CLEC19A: variants seen among roughly 807,000 people sequenced by gnomAD.
CLEC19A encodes the protein C-type lectin domain family 19 member A.
Under a neutral mutation model 26.1 loss-of-function variants are expected in CLEC19A, and 21 were observed. That is an observed-to-expected ratio of 0.80 (90% CI 0.57 to 1.16). CLEC19A has a LOEUF of 1.16. Ranked by LOEUF, CLEC19A falls within the 50% of genes most tolerant of loss-of-function variation. The pLI, the probability that CLEC19A is intolerant of heterozygous loss-of-function variation, is 0.00. For missense variants in CLEC19A, 224 were observed against 227.6 expected (o/e 0.98, Z 0.10); for synonymous variants, 89 against 88.6 (o/e 1.00, Z -0.03).
intron 1 of CLEC19A, among the ~76,000 whole-genome samples, chr16:19,289,128 A>G (rs1374783772): frequency 6.6e-6 from 1 of 152,222 alleles, no homozygotes; most frequent in Non-Finnish European, 1.5e-5. Flanking sequence ...CCAGAGTCCA[A>G]GCTCTGAAGT....
At chr16:19,295,458 C>G (rs1192569060) in intron 1 of CLEC19A, among the ~76,000 whole-genome samples, 1 of 152,140 alleles carries the variant, frequency 6.6e-6, no homozygotes, top group Non-Finnish European at 1.5e-5. Context: ...CCACCTCAGC[C>G]TCCCAAGGTG....
chr16:19,308,461 C>T (rs1823726256), intron 4 of CLEC19A, among the ~76,000 whole-genome samples: 1 of 152,322 alleles, frequency 6.6e-6, no homozygotes, highest in East Asian at 1.9e-4. Flanking sequence ...AGCTGCCATG[C>T]TCAGTATTCA....
chr16:19,303,564 G>A (rs909436711), intron 2 of CLEC19A, among the ~76,000 whole-genome samples: 2 of 152,202 alleles, frequency 1.3e-5, no homozygotes, highest in African/African-American at 4.8e-5. Context: ...AGTGGGCAAT[G>A]CAAGTTGAAG....
At chr16:19,299,243 A>G (rs1473938968) in intron 2 of CLEC19A, among the ~76,000 whole-genome samples, 1 of 152,204 alleles carries the variant, frequency 6.6e-6, no homozygotes, top group African/African-American at 2.4e-5. Flanking sequence ...TACACTACAT[A>G]TATAAAGAAT....
At position 19,304,104 on chromosome 16, in the gene CLEC19A, T is replaced by C; in HGVS notation, c.297T>C (p.Cys99=). 2 of 1,550,580 alleles carry C rather than the reference T, an allele frequency of 1.3e-6. No individual in the cohort carries two copies. Among genetic ancestry groups the C allele is most frequent in the Non-Finnish European group, 1.7e-6 (2 of 1,146,972 alleles). ...TTGTATATGACCTCGTGAACAGCTG[T>C]GTTCCCGGCATCCCAGCTGACGTCT... is the stretch of plus-strand genomic sequence containing the variant. ...NVFVYDLVNS[C]VPGIPADVWT... Residue 99 remains cysteine, a synonymous_variant, in exon 3 of 5, where the codon TGT becomes TGC. Transcript: ENST00000636231.
chr16:19,306,004 C>T (rs1200664213), intron 3 of CLEC19A, among the ~76,000 whole-genome samples: 1 of 151,734 alleles, frequency 6.6e-6, no homozygotes, highest in African/African-American at 2.4e-5. Context: ...CCACCATGCC[C>T]GGCTAATTTT....
intron 4 of CLEC19A, among the ~76,000 whole-genome samples, chr16:19,308,769 A>G (rs1256514392): frequency 6.6e-6 from 1 of 152,178 alleles, no homozygotes; most frequent in Non-Finnish European, 1.5e-5. Context: ...CTGGGTAGCC[A>G]GAGTTGGGCC....
chr16:19,292,380 A>T (rs1008060402), intron 1 of CLEC19A, among the ~76,000 whole-genome samples: 2 of 152,130 alleles, frequency 1.3e-5, no homozygotes, highest in African/African-American at 4.8e-5. Context: ...CAAAACCAGG[A>T]TCTGGCAACC....
chr16:19,302,505 G>A lies in CLEC19A; in HGVS notation c.255-1557G>A, dbSNP rs371246205. On this transcript the variant is annotated intron_variant, in intron 2 of 4. Transcript: ENST00000636231. ...AGATACATGTTGTTGCAACACAAAA[G>A]GTACATCGACATGGCCATGTTTTGA... Among the ~76,000 whole-genome samples, 6 of 152,216 alleles carry A rather than the reference G, an allele frequency of 3.9e-5. No individual in the cohort carries two copies. In the East Asian group the frequency reaches 1.2e-3, roughly 29 times the overall value.
chr16:19,304,824 A>T (rs11864239), intron 3 of CLEC19A: 37,806 of 152,622 alleles, frequency 0.25, 5,164 homozygotes, highest in African/African-American at 0.34. Flanking sequence ...GACAACACCA[A>T]GGGTCTAAGA....
In CLEC19A at chr16:19,309,173, A is replaced by G; in HGVS notation, c.*90A>G. 1.1e-6 allele frequency: 1 copy of G among 929,210 alleles called. No homozygotes were observed. Among genetic ancestry groups the G allele is most frequent in the South Asian group, 1.5e-5 (1 of 65,258 alleles). 57.6% of individuals were successfully genotyped at this position (929,210 alleles called of 1,614,324 possible). A position where few individuals can be genotyped will look rare whatever the true frequency, so the allele number is the denominator to read the frequency against. On this transcript the variant is annotated 3_prime_UTR_variant, in exon 5 of 5. Coordinates refer to ENST00000636231, the MANE Select transcript of CLEC19A (RefSeq NM_001256720.2). ...AATTGACATTGAATACATGTAAAAC[A>G]TACATAGGAAGTAAATCTCTTGGAC...
chr16:19,301,735 G>GTTTTTTTTTTTT (rs750529291), intron 2 of CLEC19A, among the ~76,000 whole-genome samples: 562 of 34,966 alleles, frequency 0.016, 31 homozygotes, highest in African/African-American at 0.033. Flanking sequence ...AGGTTTTTTT[G>GTTTTTTTTTTTT]GTTTTTTTTT....
intron 1 of CLEC19A, among the ~76,000 whole-genome samples, chr16:19,291,984 CT>C (rs2143008854): frequency 6.6e-6 from 1 of 152,294 alleles, no homozygotes; most frequent in East Asian, 1.9e-4. Context: ...GCTCAAGGAA[CT>C]TGTTTTCCAC....
intron 3 of CLEC19A, chr16:19,305,299 A>G (rs1285316719): frequency 6.6e-6 from 1 of 152,290 alleles, no homozygotes; most frequent in Non-Finnish European, 1.5e-5. Flanking sequence ...AGGGAACAGC[A>G]TGGGTCAACA....
intron 2 of CLEC19A, 109 bp downstream of exon 2, chr16:19,298,947 G>GA (rs1440873028): frequency 4.1e-6 from 5 of 1,214,742 alleles, no homozygotes; most frequent in South Asian, 3.2e-5. Context: ...GAAACTATTT[G>GA]AAAAAAATGG....
chr16:19,285,879 G>T lies in CLEC19A; in HGVS notation c.28G>T (p.Ala10Ser). MQRWTLWAA[A>S]FLTLHSAQAF... ...GCAAAGGTGGACACTGTGGGCTGCA[G>T]CCTTCCTGACCCTCCACTCTGCACA... Residue 10 changes from alanine (A) to serine (S), a missense_variant, in exon 1 of 5, where the codon GCC (alanine) becomes TCC (serine). Coordinates refer to ENST00000636231, the MANE Select transcript of CLEC19A (RefSeq NM_001256720.2). 1 of 1,550,540 alleles carries T rather than the reference G, an allele frequency of 6.4e-7. No individual in the cohort carries two copies. Among genetic ancestry groups the T allele is most frequent in the Non-Finnish European group, 8.7e-7 (1 of 1,146,990 alleles).
intron 2 of CLEC19A, among the ~76,000 whole-genome samples, chr16:19,300,668 G>A (rs1012592761): frequency 2.0e-5 from 3 of 152,206 alleles, no homozygotes; most frequent in African/African-American, 7.2e-5. Context: ...GTGGGGCTGA[G>A]GGATATATTG....
chr16:19,301,766 T>TTTTTTTTTTTTTTTTTA (rs1291095115), intron 2 of CLEC19A, among the ~76,000 whole-genome samples: 5 of 116,158 alleles, frequency 4.3e-5, no homozygotes, highest in Non-Finnish European at 7.2e-5. Flanking sequence ...TTTTTTTTTG[T>TTTTTTTTTTTTTTTTTA]ATTTTTAGCA....
At chr16:19,286,190 G>C (rs1022598319) in intron 1 of CLEC19A, among the ~76,000 whole-genome samples, 3 of 152,210 alleles carry the variant, frequency 2.0e-5, no homozygotes, top group Non-Finnish European at 4.4e-5. Context: ...ATCTCTCTGA[G>C]CCTCAGCTTC....
Sources: allele counts gnomAD v4.1 joint callset (sites outside exome capture counted in the v4.1 genomes callset), GRCh38; gene constraint gnomAD v4.1.1; transcripts MANE v1.5; gene names NCBI Gene and HGNC (gene_info 2026-07-23, HGNC 2026-07-21).